FLT3LG: variants seen among roughly 807,000 people sequenced by gnomAD.
FLT3LG encodes the protein fms-related tyrosine kinase 3 ligand.
FLT3LG carries 8 observed loss-of-function variants against 30.9 expected under a neutral mutation model. The observed-to-expected ratio is 0.26, with a 90% CI of 0.15 to 0.47. The LOEUF (loss-of-function observed/expected upper bound fraction) is 0.47. Among genes scored for constraint, FLT3LG ranks in the 20% least tolerant of loss-of-function variants. FLT3LG has a pLI of 0.99. For synonymous variants in FLT3LG, 123 were observed against 135.9 expected (o/e 0.91, Z 0.66); for missense variants, 278 against 306.2 (o/e 0.91, Z 0.69).
At position 49,480,375 on chromosome 19, in the gene FLT3LG, C is replaced by T. The variant is rs1263063124; in HGVS notation, c.559C>T (p.Leu187Phe). The T allele has an allele frequency of 3.5e-5, 57 of 1,610,306 alleles. No homozygotes were observed. The highest frequency in any genetic ancestry group is 4.8e-5 in the Non-Finnish European group (56 of 1,178,670). ...TAPTAPQPPL[L>F]LLLLLPVGLL... Reference sequence around the variant, plus strand: ...CCCGACAGCCCCGCAGCCCCCTCTGCTCCTCCTACTGCTGCTGCCCGTGGG... The same window carrying T: ...CCCGACAGCCCCGCAGCCCCCTCTGTTCCTCCTACTGCTGCTGCCCGTGGG... Residue 187 changes from leucine (L) to phenylalanine (F), a missense_variant, in exon 7 of 9, where the codon CTC (leucine) becomes TTC (phenylalanine). By Grantham distance (22) the Leu-to-Phe change is conservative. This residue lies in a region of FLT3LG where 170 missense variants were observed against 162.0 expected (regional missense o/e 1.05). Coordinates refer to ENST00000597551, the MANE Select transcript of FLT3LG (RefSeq NM_001459.4).
chr19:49,480,317 C>A lies in FLT3LG; in HGVS notation c.501C>A (p.Pro167=). The A allele has an allele frequency of 6.2e-7, 1 of 1,605,644 alleles. No homozygotes were observed. Among genetic ancestry groups the A allele is most frequent in the Non-Finnish European group, 8.5e-7 (1 of 1,174,946 alleles). ...CCCCAGACTCCTCAACCCTGCCACC[C>A]CCATGGAGTCCCCGGCCCCTGGAGG... ...QCQPDSSTLP[P]PWSPRPLEAT... is the part of the protein sequence containing the mutation. The change falls in exon 7 of 9, where the codon CCC becomes CCA. Residue 167 remains proline (P), a synonymous_variant. Transcript: ENST00000597551.
At chr19:49,475,651 G>A (rs755845565) in intron 2 of FLT3LG, 40 bp from the exon 3 acceptor site, 49 of 1,592,916 alleles carry the variant, frequency 3.1e-5, no homozygotes, top group Non-Finnish European at 2.9e-5. Flanking sequence ...GGCTGTGTGT[G>A]GAACAGCAGA....
rs754841194 is a variant in FLT3LG, at chr19:49,474,610, G to A, written c.-30G>A. The A allele has an allele frequency of 8.7e-6, 14 of 1,611,832 alleles. No homozygotes were observed. The highest frequency in any genetic ancestry group is 3.3e-5 in the Admixed American group (2 of 59,742). Reference sequence around the variant, plus strand: ...TCTTCTGTCCCTTCCAAGACCCGGCGACAGGAGGCATGAGGGGCCCCCGGC... The same window carrying A: ...TCTTCTGTCCCTTCCAAGACCCGGCAACAGGAGGCATGAGGGGCCCCCGGC... On this transcript the variant is annotated 5_prime_UTR_variant, in exon 2 of 9. Coordinates refer to ENST00000597551, the MANE Select transcript of FLT3LG (RefSeq NM_001459.4).
intron 5 of FLT3LG, among the ~76,000 whole-genome samples, chr19:49,478,219 A>AG (rs1419997692): frequency 4.1e-4 from 60 of 144,954 alleles, no homozygotes; most frequent in East Asian, 6.5e-4. Flanking sequence ...CTGTAATCCC[A>AG]CACTTTGGGA....
At chr19:49,484,218 T>G (rs2079719264) in intron 8 of FLT3LG, among the ~76,000 whole-genome samples, 1 of 150,590 alleles carries the variant, frequency 6.6e-6, no homozygotes, top group South Asian at 2.1e-4. Flanking sequence ...AGGTAATACA[T>G]TGAGCAGTTT....
rs1355652280 is a variant in FLT3LG, at chr19:49,474,663, G to C, written c.24G>C (p.Trp8Cys). The C allele has an allele frequency of 2.5e-6, 4 of 1,612,330 alleles. No homozygotes were observed. In the African/African-American group the frequency reaches 5.3e-5, roughly 22 times the overall value. Residue 8 changes from tryptophan to cysteine, a missense_variant, in exon 2 of 9, where the codon TGG becomes TGC. Trp to Cys is a radical substitution (Grantham distance 215). Transcript: ENST00000597551. ...AAATGACAGTGCTGGCGCCAGCCTG[G>C]AGCCCAACAGTGCGTAAACCCCAGG... MTVLAPA[W>C]SPTTYLLLLL...
Position 49,476,748 on chromosome 19 carries a change from G to A in FLT3LG, c.342+182G>A. On this transcript the variant is annotated intron_variant, in intron 5 of 8. Coordinates refer to ENST00000597551, the MANE Select transcript of FLT3LG (RefSeq NM_001459.4). This position sits in a 1 kb window ranked among gnomAD's most constrained non-coding sequence, Gnocchi z 5.3. The stretch of plus-strand genomic sequence containing the variant: ...CAACACGTCCCCAGGCACCGGTGAT[G>A]GGGAGCAGTCTGGTCCCATTCTGGG... The A allele has an allele frequency of 1.3e-6, 1 of 755,044 alleles. No homozygotes were observed. The highest frequency in any genetic ancestry group is 2.1e-6 in the Non-Finnish European group (1 of 479,290). 46.8% of individuals were successfully genotyped at this position (755,044 alleles called of 1,614,324 possible).
chr19:49,474,529 G>A (rs907883240), intron 1 of FLT3LG, 74 bp from the exon 2 acceptor site: 53 of 1,084,456 alleles, frequency 4.9e-5, no homozygotes, highest in Admixed American at 1.3e-4. Context: ...CGGGAGGGGC[G>A]GGGAGGCAAA....
chr19:49,484,781 C>T (rs938276334), intron 8 of FLT3LG, among the ~76,000 whole-genome samples: 10 of 152,092 alleles, frequency 6.6e-5, no homozygotes, highest in African/African-American at 1.9e-4. Flanking sequence ...AGCCATGAGC[C>T]GCCCTGCCCA....
At chr19:49,478,338 G>GCA in intron 5 of FLT3LG, among the ~76,000 whole-genome samples, 1 of 152,102 alleles carries the variant, frequency 6.6e-6, no homozygotes, top group Admixed American at 6.6e-5. Context: ...GTGGTGGCAG[G>GCA]CGCCTGTAGT....
At chr19:49,483,115 A>AGTTT (rs2079671419) in intron 8 of FLT3LG, among the ~76,000 whole-genome samples, 1 of 151,860 alleles carries the variant, frequency 6.6e-6, no homozygotes, top group Admixed American at 6.6e-5. Context: ...TCCAACGTAT[A>AGTTT]GTTTATTTAT....
chr19:49,482,998 T>A (rs978103532), intron 8 of FLT3LG, among the ~76,000 whole-genome samples: 2 of 152,194 alleles, frequency 1.3e-5, no homozygotes, highest in African/African-American at 4.8e-5. Context: ...TGTTGTTATT[T>A]CAACATGTAA....
intron 8 of FLT3LG, 74 bp from the exon 9 acceptor site, chr19:49,485,941 C>G (rs2079790652): frequency 6.6e-6 from 1 of 152,288 alleles, no homozygotes; most frequent in Non-Finnish European, 1.5e-5. Flanking sequence ...CCAAGCTAAG[C>G]TACTTTCCCT....
At chr19:49,480,645 C>A (rs1029013184) in intron 8 of FLT3LG, 25 bp downstream of exon 8, 2 of 1,586,742 alleles carry the variant, frequency 1.3e-6, no homozygotes, top group Non-Finnish European at 1.7e-6. Context: ...GGCTATGGGG[C>A]CTGGACTTTG....
At chr19:49,479,793 A>ACCGCGC (rs1283367277) in intron 6 of FLT3LG, 1 of 150,130 alleles carries the variant, frequency 6.7e-6, no homozygotes, top group African/African-American at 2.6e-5. Flanking sequence ...GATGTGAGCC[A>ACCGCGC]CCGCGCCCAG....
chr19:49,475,682 C>A lies in FLT3LG; in HGVS notation c.34-9C>A. On this transcript the variant is annotated splice_polypyrimidine_tract_variant and intron_variant, in intron 2 of 8. Transcript: ENST00000597551. ...GCAGAGGGCTCCCCCAGCACCCGCT[C>A]CCCTGCAGACCTATCTCCTCCTGCT... 6.2e-7 allele frequency: 1 copy of A among 1,602,776 alleles called. No individual in the cohort carries two copies. Among genetic ancestry groups the A allele is most frequent in the Non-Finnish European group, 8.5e-7 (1 of 1,179,718 alleles).
Position 49,475,768 on chromosome 19 carries a change from C to T in FLT3LG, c.111C>T (p.Ile37=), listed in dbSNP as rs556058562. ...TQDCSFQHSP[I]SSDFAVKIRE... ...ACTGCTCCTTCCAACACAGCCCCAT[C>T]TCCTCCGACTTCGCTGTCAAAATCC... The change falls in exon 3 of 9, where the codon ATC becomes ATT. Residue 37 remains isoleucine (I), a synonymous_variant. Coordinates refer to ENST00000597551, the MANE Select transcript of FLT3LG (RefSeq NM_001459.4). 6.2e-7 allele frequency: 1 copy of T among 1,612,772 alleles called. No individual in the cohort carries two copies. The highest frequency in any genetic ancestry group is 2.2e-5 in the East Asian group (1 of 44,874).
At chr19:49,475,648 T>C (rs368065389) in intron 2 of FLT3LG, 43 bp from the exon 3 acceptor site, 8 of 1,590,862 alleles carry the variant, frequency 5.0e-6, no homozygotes, top group Non-Finnish European at 6.8e-6. Context: ...GGGGGCTGTG[T>C]GTGGAACAGC....
At chr19:49,479,668 A>AT (rs200699056) in intron 6 of FLT3LG, 35,784 of 191,424 alleles carry the variant, frequency 0.19, 5,412 homozygotes, top group African/African-American at 0.5. Context: ...CACGCGGCTA[A>AT]TTTTTTTTTT....
Sources: allele counts gnomAD v4.1 joint callset (sites outside exome capture counted in the v4.1 genomes callset), GRCh38; gene constraint gnomAD v4.1.1; regional missense constraint gnomAD v4.1.1; non-coding constraint Gnocchi (gnomAD v3.1); transcripts MANE v1.5; gene names NCBI Gene and HGNC (gene_info 2026-07-23, HGNC 2026-07-21).